PTPN18: variants seen among roughly 807,000 people sequenced by gnomAD.
PTPN18 encodes the protein tyrosine-protein phosphatase non-receptor type 18.
Under a neutral mutation model 65.4 loss-of-function variants are expected in PTPN18, and 65 were observed. That is an observed-to-expected ratio of 0.99 (90% CI 0.81 to 1.22). PTPN18 has a LOEUF of 1.22. PTPN18 is among the 50% of genes most tolerant of loss of function. PTPN18 has a pLI of 0.00. For missense variants in PTPN18, 616 were observed against 646.5 expected, an observed-to-expected ratio of 0.95 and a Z score of 0.51; for synonymous variants, 255 against 267.8, an observed-to-expected ratio of 0.95 and a Z score of 0.47.
At chr2:130,357,694 AAC>A (rs1680031372) in intron 1 of PTPN18, among the ~76,000 whole-genome samples, 1 of 151,904 alleles carries the variant, frequency 6.6e-6, no homozygotes, top group Non-Finnish European at 1.5e-5. Flanking sequence ...GTCTCTACTA[AAC>A]ACACAAAAAA....
intron 5 of PTPN18, among the ~76,000 whole-genome samples, chr2:130,363,945 CT>C (rs758206585): frequency 0.014 from 1,962 of 138,998 alleles, 12 homozygotes; most frequent in African/African-American, 0.021. Context: ...TTGTTACTGT[CT>C]TTTTTTTTTT....
rs552286871 is a variant in PTPN18, at chr2:130,372,736, C to T, written c.1241-137C>T. On this transcript the variant is annotated intron_variant, in intron 13 of 14. Coordinates refer to ENST00000175756, the MANE Select transcript of PTPN18 (RefSeq NM_014369.4). ...GCGCCCAAAGGCTGGAGGCCACGTC[C>T]GGGGTGTGTGCCTTCTCCCGCCCGG... The T allele has an allele frequency of 9.2e-5, 102 of 1,105,712 alleles. 4 individuals carry two copies. In the South Asian group the frequency reaches 1.4e-3, roughly 15 times the overall value. The allele number at this position is 1,105,712 out of a possible 1,614,324, so 68.5% of individuals were successfully genotyped here.
Position 130,358,923 on chromosome 2 carries a change from C to T in PTPN18, c.150C>T (p.Ala50=), listed in dbSNP as rs756436612. 2.3e-5 allele frequency: 37 copies of T among 1,614,058 alleles called. No homozygotes were observed. Among genetic ancestry groups the T allele is most frequent in the South Asian group, 4.4e-5 (4 of 91,088 alleles). ...WKADGVCSTV[A]GSRPENVRKN... ...CTGACGGCGTGTGCTCCACCGTGGC[C>T]GGCAGTCGGCCAGAGAACGTGAGGA... The change falls in exon 2 of 15, where the codon GCC becomes GCT. Residue 50 remains alanine, a synonymous_variant. Transcript: ENST00000175756.
intron 5 of PTPN18, among the ~76,000 whole-genome samples, chr2:130,361,557 T>TCTTTCTTTCTTTCTTTCCTTTCTTTC (rs1553458555): frequency 1.3e-5 from 1 of 78,572 alleles, no homozygotes; most frequent in South Asian, 4.2e-4. Context: ...TTTCTTTCTT[T>TCTTTCTTTCTTTCTTTCCTTTCTTTC]CTTTCTTTCC....
Position 130,359,627 on chromosome 2 carries a change from G to A in PTPN18, c.395G>A (p.Arg132Gln), listed in dbSNP as rs1408273984. 16 of 1,613,958 alleles carry A rather than the reference G, an allele frequency of 9.9e-6. No homozygotes were observed. Among genetic ancestry groups the A allele is most frequent in the Admixed American group, 3.3e-5 (2 of 60,002 alleles). Residue 132 changes from arginine (R) to glutamine (Q), a missense_variant, in exon 5 of 15, where the codon CGA becomes CAA. Physicochemically the swap from Arg to Gln is conservative, Grantham distance 43. Around this residue, in one of 3 missense-constraint regions of PTPN18, gnomAD observed 223 missense variants for 210.0 expected, o/e 1.06. Coordinates refer to ENST00000175756, the MANE Select transcript of PTPN18 (RefSeq NM_014369.4). ...GTCTAGGTGATCCTGATGGCCTGTC[G>A]AGAGATAGAGAATGGGCGGGTAGGT... The part of the protein sequence containing the change: ...FGVKVILMAC[R>Q]EIENGRKRCE...
intron 1 of PTPN18, among the ~76,000 whole-genome samples, chr2:130,358,495 G>T (rs924016624): frequency 1.3e-5 from 2 of 152,066 alleles, no homozygotes; most frequent in African/African-American, 4.8e-5. Context: ...AGTGTGCAGG[G>T]GGTGGGTGCC....
At chr2:130,356,269 C>A (rs751416578) in intron 1 of PTPN18, 69 bp downstream of exon 1, 128 of 1,151,970 alleles carry the variant, frequency 1.1e-4, no homozygotes, top group Non-Finnish European at 1.4e-4. Flanking sequence ...GTCCTCCGCG[C>A]ACGGCGGGCT....
chr2:130,361,528 T>TTCTTTCTTTC (rs1680200745), intron 5 of PTPN18, among the ~76,000 whole-genome samples: 9 of 135,168 alleles, frequency 6.7e-5, no homozygotes, highest in African/African-American at 2.7e-4. Context: ...CTTTCTTTCT[T>TTCTTTCTTTC]TCTTTCTTTC....
At chr2:130,358,787 G>T in intron 1 of PTPN18, 80 bp from the exon 2 acceptor site, 1 of 1,149,536 alleles carries the variant, frequency 8.7e-7, no homozygotes, top group Non-Finnish European at 1.3e-6. Context: ...TCCTGCAAGC[G>T]TGCCTAGGTG....
chr2:130,358,847 C>A lies in PTPN18; in HGVS notation c.94-20C>A. On this transcript the variant is annotated intron_variant, in intron 1 of 14. Coordinates refer to ENST00000175756, the MANE Select transcript of PTPN18 (RefSeq NM_014369.4). ...CTCCTGTCTTCTCCCCTCCCTGACC[C>A]ACTCATAATGCTCTACCAGGACATC... The A allele has an allele frequency of 6.3e-7, 1 of 1,593,454 alleles. No homozygotes were observed. Among genetic ancestry groups the A allele is most frequent in the Non-Finnish European group, 8.6e-7 (1 of 1,163,574 alleles).
intron 12 of PTPN18, among the ~76,000 whole-genome samples, chr2:130,371,615 G>T (rs1680567282): frequency 6.6e-6 from 1 of 152,164 alleles, no homozygotes; most frequent in Non-Finnish European, 1.5e-5. Context: ...CCCAGCTGGA[G>T]ACCAGCCTGG....
In PTPN18 at chr2:130,372,317, G is replaced by C. The variant is rs759308357; in HGVS notation, c.1074G>C (p.Gln358His). 1.9e-5 allele frequency: 28 copies of C among 1,486,036 alleles called. No individual in the cohort carries two copies. The African/African-American group carries it at 3.2e-4, about 17-fold the overall frequency. 92.1% of individuals were successfully genotyped at this position (1,486,036 alleles called of 1,614,324 possible). A position where few individuals can be genotyped will look rare whatever the true frequency, so the allele number is the denominator to read the frequency against. ...HAMADTYAVV[Q>H]KRGAPAGAGS... The stretch of plus-strand genomic sequence containing the variant: ...TGGCTGACACCTACGCGGTGGTGCA[G>C]AAGCGCGGGGCTCCAGCGGGCGCCG... The change falls in exon 13 of 15, where the codon CAG (glutamine) becomes CAC (histidine). Residue 358 changes from glutamine to histidine, a missense_variant. Transcript: ENST00000175756.
chr2:130,365,960 GATT>G (rs1680368358), intron 5 of PTPN18, among the ~76,000 whole-genome samples: 1 of 152,188 alleles, frequency 6.6e-6, no homozygotes, highest in East Asian at 1.9e-4. Flanking sequence ...ACATAGTTTT[GATT>G]ATTATACCTT....
chr2:130,368,939 T>G, intron 5 of PTPN18, 194 bp from the exon 6 acceptor site: 2 of 546,360 alleles, frequency 3.7e-6, no homozygotes, highest in South Asian at 5.1e-5. Context: ...CCCTGCATGG[T>G]CAGCAGCGCA....
chr2:130,359,247 G>T lies in PTPN18; in HGVS notation c.217G>T (p.Val73Leu). The change falls in exon 3 of 15, where the codon GTA (valine) becomes TTA (leucine). Residue 73 changes from valine to leucine, a missense_variant. Physicochemically the swap from Val to Leu is conservative, Grantham distance 32. This residue lies in a region of PTPN18 where 223 missense variants were observed against 210.0 expected (regional missense o/e 1.06). Transcript: ENST00000175756. ...KDVLPYDQTR[V>L]ILSLLQEEGH... ...TCTGCTGACAGATGATCAGACGCGA[G>T]TAATCCTCTCCCTGCTCCAGGAAGA... is the stretch of plus-strand genomic sequence containing the variant. The T allele has an allele frequency of 6.2e-7, 1 of 1,614,042 alleles. No homozygotes were observed. Among genetic ancestry groups the T allele is most frequent in the South Asian group, 1.1e-5 (1 of 91,092 alleles).
chr2:130,369,857 G>A lies in PTPN18; in HGVS notation c.546+30G>A, dbSNP rs369671059. 93 of 1,564,694 alleles carry A rather than the reference G, an allele frequency of 5.9e-5. No homozygotes were observed. In the African/African-American group the frequency reaches 1.2e-3, roughly 20 times the overall value. On this transcript the variant is annotated intron_variant, in intron 7 of 14. Coordinates refer to ENST00000175756, the MANE Select transcript of PTPN18 (RefSeq NM_014369.4). Reference sequence around the variant, plus strand: ...TGTGACAGGGGAGGAGGAGGTAAAGGGGCTCCTGAAAGGGGAGAGGTTTCC... The same window carrying A: ...TGTGACAGGGGAGGAGGAGGTAAAGAGGCTCCTGAAAGGGGAGAGGTTTCC...
Position 130,372,328 on chromosome 2 carries a change from C to T in PTPN18, c.1085C>T (p.Ala362Val), listed in dbSNP as rs771881449. 9.0e-6 allele frequency: 13 copies of T among 1,442,074 alleles called. No individual in the cohort carries two copies. Among genetic ancestry groups the T allele is most frequent in the Non-Finnish European group, 1.1e-5 (12 of 1,106,816 alleles). The allele number at this position is 1,442,074 out of a possible 1,614,324, so 89.3% of individuals were successfully genotyped here. ...TACGCGGTGGTGCAGAAGCGCGGGG[C>T]TCCAGCGGGCGCCGGGAGTGGGACG... ...DTYAVVQKRG[A>V]PAGAGSGTQT... The change falls in exon 13 of 15, where the codon GCT (alanine) becomes GTT (valine). Residue 362 changes from alanine to valine, a missense_variant. By Grantham distance (64) the Ala-to-Val change is moderately conservative. Around this residue, in one of 3 missense-constraint regions of PTPN18, gnomAD observed 368 missense variants for 386.7 expected, o/e 0.95. Coordinates refer to ENST00000175756, the MANE Select transcript of PTPN18 (RefSeq NM_014369.4).
intron 5 of PTPN18, among the ~76,000 whole-genome samples, chr2:130,364,096 A>G (rs758567820): frequency 2.0e-5 from 3 of 152,176 alleles, no homozygotes; most frequent in Non-Finnish European, 4.4e-5. Flanking sequence ...TTGCCATTTA[A>G]ACCATTTCAA....
intron 5 of PTPN18, among the ~76,000 whole-genome samples, chr2:130,360,885 G>A (rs756759921): frequency 6.0e-5 from 9 of 150,548 alleles, no homozygotes; most frequent in Non-Finnish European, 8.8e-5. Context: ...AGACTGGAGT[G>A]CAGTGGTGCA....
Sources: gnomAD v4.1 joint callset for allele counts (sites outside exome capture counted in the v4.1 genomes callset) on GRCh38, gnomAD v4.1.1 for gene constraint, gnomAD v4.1.1 regional missense constraint, MANE v1.5 for transcripts, NCBI Gene and HGNC (gene_info 2026-07-23, HGNC 2026-07-21) for gene names.